Variants in STAC3 observed in about 807,000 individuals in gnomAD.
STAC3 encodes the protein SH3 and cysteine-rich domain-containing protein 3.
A neutral mutation model predicts 48.5 loss-of-function variants in STAC3; 30 were observed. The observed-to-expected ratio is 0.62, with a 90% CI of 0.46 to 0.84. The LOEUF is 0.84. Among genes scored for constraint, STAC3 ranks in the 40% least tolerant of loss-of-function variants. The probability of loss-of-function intolerance (pLI) is 0.00; values close to 1 mark genes in which losing one functional copy is unlikely to be tolerated. For synonymous variants in STAC3, 144 were observed against 158.6 expected, an observed-to-expected ratio of 0.91 and a Z score of 0.69; for missense variants, 419 against 462.6, an observed-to-expected ratio of 0.91 and a Z score of 0.86.
chr12:57,249,071 A>C lies in STAC3; in HGVS notation c.304T>G (p.Phe102Val). 1.2e-6 allele frequency: 2 copies of C among 1,606,892 alleles called. No homozygotes were observed. Among genetic ancestry groups the C allele is most frequent in the Non-Finnish European group, 1.7e-6 (2 of 1,176,100 alleles). Reference sequence around the variant, plus strand: ...ATCATCCGGGCACAGACATCACAGAACTTTGGCTTCTTGAAGAAGTGATCT... The same window carrying C: ...ATCATCCGGGCACAGACATCACAGACCTTTGGCTTCTTGAAGAAGTGATCT... ...FKDHFFKKPK[F>V]CDVCARMIVL... The change falls in exon 3 of 12, where the codon TTC (phenylalanine) becomes GTC (valine). Residue 102 changes from phenylalanine to valine, a missense_variant. Coordinates refer to ENST00000332782, the MANE Select transcript of STAC3 (RefSeq NM_145064.3).
rs1244272303 is a variant in STAC3 at position 57,248,686 on chromosome 12, G to C, written c.432+20C>G. The C allele has an allele frequency of 3.2e-5, 51 of 1,597,198 alleles. No homozygotes were observed. The Admixed American group carries it at 8.5e-4, about 27-fold the overall frequency. ...CCACGCGTGGCCATGTCCCCTCCTT[G>C]CTCTCCACAGCCTACTCACGATCTT... On this transcript the variant is annotated intron_variant, in intron 4 of 11. Coordinates refer to ENST00000332782, the MANE Select transcript of STAC3 (RefSeq NM_145064.3).
At chr12:57,250,146 T>C (rs984487155) in intron 1 of STAC3, among the ~76,000 whole-genome samples, 6 of 151,908 alleles carry the variant, frequency 3.9e-5, no homozygotes, top group Admixed American at 2.0e-4. Flanking sequence ...TCCCAGCACT[T>C]TGGGAGGCTG....
chr12:57,248,074 GAAA>G, intron 5 of STAC3, 49 bp downstream of exon 5: 9 of 1,506,884 alleles, frequency 6.0e-6, no homozygotes, highest in Non-Finnish European at 8.3e-6. Context: ...GAGATGGCAT[GAAA>G]CCATCTCTAG....
rs141938531 is a variant in STAC3, at chr12:57,249,218, C to T, written c.157G>A (p.Val53Met). Reference protein sequence around the residue: ...PPEPQANGEAVGAGGGPIYYI... With the variant: ...PPEPQANGEAMGAGGGPIYYI... ...TAGATGGGCCCACCCCCAGCTCCCA[C>T]TGCCTCCCCATTGGCCTGGGGCTCT... is the stretch of plus-strand genomic sequence containing the variant. Residue 53 changes from valine (V) to methionine (M), a missense_variant, in exon 3 of 12, where the codon GTG (valine) becomes ATG (methionine). By Grantham distance (21) the Val-to-Met change is conservative. Coordinates refer to ENST00000332782, the MANE Select transcript of STAC3 (RefSeq NM_145064.3). 7.6e-4 allele frequency: 1,220 copies of T among 1,614,182 alleles called. 1 individual carries two copies. The highest frequency in any genetic ancestry group is 9.6e-4 in the Non-Finnish European group (1,130 of 1,180,034).
chr12:57,249,154 T>C lies in STAC3; in HGVS notation c.221A>G (p.Glu74Gly), dbSNP rs199716296. Residue 74 changes from glutamate to glycine, a missense_variant, in exon 3 of 12, where the codon GAG becomes GGG. By Grantham distance (98) the Glu-to-Gly change is moderately conservative. Transcript: ENST00000332782. ...AGGAGGTTCTGGGGGTGGCTCCTCC[T>C]CCTCCTCTTCTTCCTCTTCCTCTTC... ...YEEEEEEEEE[E>G]EEPPPEPPKL... 404 of 1,613,916 alleles carry C rather than the reference T, an allele frequency of 2.5e-4. No homozygotes were observed. Among genetic ancestry groups the C allele is most frequent in the Middle Eastern group, 2.0e-3 (12 of 6,082 alleles).
intron 7 of STAC3, 23 bp from the exon 8 acceptor site, chr12:57,244,988 AT>A (rs767743618): frequency 6.2e-7 from 1 of 1,613,776 alleles, no homozygotes; most frequent in Admixed American, 1.7e-5. Flanking sequence ...ACACCAACAA[AT>A]TGTCTGTCTC....
chr12:57,248,121 C>T lies in STAC3; in HGVS notation c.505+5G>A, dbSNP rs1297996685. The T allele has an allele frequency of 6.2e-7, 1 of 1,612,840 alleles. No homozygotes were observed. Among genetic ancestry groups the T allele is most frequent in the South Asian group, 1.1e-5 (1 of 91,058 alleles). On this transcript the variant is annotated splice_donor_5th_base_variant and intron_variant, in intron 5 of 11. Coordinates refer to ENST00000332782, the MANE Select transcript of STAC3 (RefSeq NM_145064.3). ...ATTCCCTCATGTTCCATAAAGGGCACTTACAGAGATCTTTGACACAAGCGT... is the reference window on the plus strand; with the variant it reads ...ATTCCCTCATGTTCCATAAAGGGCATTTACAGAGATCTTTGACACAAGCGT...
In STAC3 at chr12:57,246,891, A is replaced by G; in HGVS notation, c.516T>C (p.Asn172=). 1 of 1,613,634 alleles carries G rather than the reference A, an allele frequency of 6.2e-7. No homozygotes were observed. The highest frequency in any genetic ancestry group is 8.5e-7 in the Non-Finnish European group (1 of 1,179,732). Residue 172 remains asparagine (N), a synonymous_variant, in exon 6 of 12, where the codon AAT becomes AAC. Coordinates refer to ENST00000332782, the MANE Select transcript of STAC3 (RefSeq NM_145064.3). ...YACVKDLSAA[N]RNDPVFETLR... is the part of the protein sequence containing the mutation. ...GGGTTTCAAACACAGGATCATTGCG[A>G]TTGGCAGCAGCTAATCGAATGGGAG...
At chr12:57,247,645 G>A (rs921783546) in intron 5 of STAC3, among the ~76,000 whole-genome samples, 1 of 151,708 alleles carries the variant, frequency 6.6e-6, no homozygotes, top group African/African-American at 2.4e-5. Context: ...CCGTGGTCTC[G>A]ATCTCCTGAC....
chr12:57,246,968 G>A, intron 5 of STAC3, 67 bp from the exon 6 acceptor site: 2 of 1,499,826 alleles, frequency 1.3e-6, no homozygotes, highest in East Asian at 4.5e-5. Flanking sequence ...GGAAAGGAAG[G>A]GAGAGGTGGG....
chr12:57,246,994 A>ACCCTC, intron 5 of STAC3, 93 bp from the exon 6 acceptor site: 1 of 1,272,526 alleles, frequency 7.9e-7, no homozygotes, highest in Non-Finnish European at 1.1e-6. Flanking sequence ...GTAGATGGAT[A>ACCCTC]CCCATGTGTG....
At chr12:57,249,484 A>G (rs2037848304) in intron 2 of STAC3, 87 bp downstream of exon 2, 6 of 1,562,520 alleles carry the variant, frequency 3.8e-6, no homozygotes, top group Admixed American at 1.8e-5. Flanking sequence ...AATGAGTCAC[A>G]CACAAATGAG....
In STAC3 at chr12:57,247,422, ATTATTATTTTTTT is replaced by A. The variant is rs1182465909; in HGVS notation, c.506-534_506-522del. ...TTGCCAAATTATTATTATTATTATT[ATTATTATTTTTTT>A]TTTTTTTTTTTTTTTTGAGACGGAG... On this transcript the variant is annotated intron_variant, in intron 5 of 11. Transcript: ENST00000332782. Among the ~76,000 whole-genome samples, 21 of 68,392 alleles carry A rather than the reference ATTATTATTTTTTT, an allele frequency of 3.1e-4. No homozygotes were observed. In the East Asian group the frequency reaches 3.3e-3, roughly 11 times the overall value. The allele number at this position is 68,392 out of a possible 152,430, so 44.9% of individuals were successfully genotyped here. A position where few individuals can be genotyped will look rare whatever the true frequency, so the allele number is the denominator to read the frequency against.
Position 57,246,795 on chromosome 12 carries a change from A to G in STAC3, c.603+9T>C. On this transcript the variant is annotated intron_variant, in intron 6 of 11. Coordinates refer to ENST00000332782, the MANE Select transcript of STAC3 (RefSeq NM_145064.3). ...TGGGAGGGACCTCGTGGGGAGGTACAGTGCTCACATTTTTCTTATCTGCCT... is the reference window on the plus strand; with the variant it reads ...TGGGAGGGACCTCGTGGGGAGGTACGGTGCTCACATTTTTCTTATCTGCCT... The G allele has an allele frequency of 3.1e-6, 5 of 1,612,698 alleles. No individual in the cohort carries two copies. Among genetic ancestry groups the G allele is most frequent in the Non-Finnish European group, 4.2e-6 (5 of 1,178,738 alleles).
intron 5 of STAC3, among the ~76,000 whole-genome samples, chr12:57,247,336 A>G (rs554789515): frequency 6.6e-6 from 1 of 151,798 alleles, no homozygotes; most frequent in African/African-American, 2.4e-5. Context: ...CTCTTCACAG[A>G]GTTCAGCCTC....
intron 4 of STAC3, 169 bp from the exon 5 acceptor site, chr12:57,248,367 C>T: frequency 1.7e-6 from 1 of 588,872 alleles, no homozygotes; most frequent in Non-Finnish European, 3.0e-6. Context: ...TGGCTGGTGA[C>T]ATGTCCCCTC....
rs1482143700 is a variant in STAC3 at position 57,247,419 on chromosome 12, ATTATTATTATTTTTTTT to A, written c.506-535_506-519del. Among the ~76,000 whole-genome samples the A allele has an allele frequency of 1.5e-3, 137 of 88,646 alleles. 1 individual carries two copies. Among genetic ancestry groups the A allele is most frequent in the African/African-American group, 6.5e-3 (134 of 20,574 alleles). 58.2% of individuals were successfully genotyped at this position (88,646 alleles called of 152,430 possible). On this transcript the variant is annotated intron_variant, in intron 5 of 11. Coordinates refer to ENST00000332782, the MANE Select transcript of STAC3 (RefSeq NM_145064.3). The stretch of plus-strand genomic sequence containing the variant: ...GGGTTGCCAAATTATTATTATTATT[ATTATTATTATTTTTTTT>A]TTTTTTTTTTTTTTTGAGACGGAGT...
chr12:57,248,655 G>A (rs775825983), intron 4 of STAC3, 51 bp downstream of exon 4: 4 of 1,452,782 alleles, frequency 2.8e-6, no homozygotes, highest in Non-Finnish European at 3.9e-6. Flanking sequence ...TTACAGGCGT[G>A]AGCCACCACG....
intron 6 of STAC3, among the ~76,000 whole-genome samples, chr12:57,246,033 C>CGGGA (rs2037731328): frequency 6.8e-6 from 1 of 147,536 alleles, no homozygotes; most frequent in African/African-American, 2.5e-5. Flanking sequence ...CGCTTGGACC[C>CGGGA]GGGAGGCAGA....
Sources: allele counts gnomAD v4.1 joint callset (sites outside exome capture counted in the v4.1 genomes callset), GRCh38; gene constraint gnomAD v4.1.1; transcripts MANE v1.5; gene names NCBI Gene and HGNC (gene_info 2026-07-23, HGNC 2026-07-21).